The following RALGPS1 variants were observed in gnomAD, a reference collection of about 807,000 sequenced individuals.
RALGPS1 encodes the protein ras-specific guanine nucleotide-releasing factor RalGPS1.
A neutral mutation model predicts 78.8 loss-of-function variants in RALGPS1; 19 were observed. That is an observed-to-expected ratio of 0.24 (90% CI 0.17 to 0.35). The LOEUF is 0.35. Among genes scored for constraint, RALGPS1 ranks in the 10% least tolerant of loss-of-function variants. The pLI, the probability that RALGPS1 is intolerant of heterozygous loss-of-function variation, is 1.00. For missense variants in RALGPS1, 454 were observed against 688.3 expected (o/e 0.66, Z 3.81); for synonymous variants, 228 against 256.3 (o/e 0.89, Z 1.06).
intron 8 of RALGPS1, among the ~76,000 whole-genome samples, chr9:127,134,543 C>T (rs2057260936): frequency 6.6e-6 from 1 of 152,168 alleles, no homozygotes; most frequent in South Asian, 2.1e-4. Context: ...TCATTTCTTC[C>T]TGTCCATCAT....
chr9:127,133,460 G>A (rs962149443), intron 8 of RALGPS1, among the ~76,000 whole-genome samples: 4 of 152,224 alleles, frequency 2.6e-5, no homozygotes, highest in Non-Finnish European at 5.9e-5. Flanking sequence ...TGGCGTCCCC[G>A]TCTGCAGAGC....
At chr9:127,001,926 T>A (rs2043346265) in intron 4 of RALGPS1, among the ~76,000 whole-genome samples, 1 of 152,186 alleles carries the variant, frequency 6.6e-6, no homozygotes, top group Non-Finnish European at 1.5e-5. Flanking sequence ...CAGTAGTCTC[T>A]ATATTAATAC....
intron 3 of RALGPS1, among the ~76,000 whole-genome samples, chr9:126,966,167 A>G (rs1275565424): frequency 6.6e-6 from 1 of 152,184 alleles, no homozygotes; most frequent in Non-Finnish European, 1.5e-5. Flanking sequence ...TACGCTATAT[A>G]TATAAATGTG....
chr9:127,158,194 A>G (rs1008132769), intron 8 of RALGPS1, among the ~76,000 whole-genome samples: 1 of 152,060 alleles, frequency 6.6e-6, no homozygotes, highest in Admixed American at 6.5e-5. Flanking sequence ...GGTTTTATGC[A>G]TGAGCTCCTT....
intron 1 of RALGPS1, among the ~76,000 whole-genome samples, chr9:126,921,872 C>A (rs112327308): frequency 6.6e-6 from 1 of 152,354 alleles, no homozygotes; most frequent in South Asian, 2.1e-4. Context: ...GTCCTCTTTT[C>A]ACCCAGGGTA....
chr9:127,085,144 A>G (rs1218545233), intron 8 of RALGPS1, among the ~76,000 whole-genome samples: 1 of 152,200 alleles, frequency 6.6e-6, no homozygotes, highest in African/African-American at 2.4e-5. Flanking sequence ...CTCAGAAAAC[A>G]TCACTGTCTT....
chr9:127,156,703 T>C (rs969090315), intron 8 of RALGPS1, among the ~76,000 whole-genome samples: 5 of 152,158 alleles, frequency 3.3e-5, no homozygotes, highest in Non-Finnish European at 5.9e-5. Flanking sequence ...GTATGGTGTT[T>C]TATTTGATCA....
chr9:127,220,844 C>G lies in RALGPS1; in HGVS notation c.*2075C>G, dbSNP rs1178268555. 6.6e-6 allele frequency: 1 copy of G among 152,580 alleles called. No individual in the cohort carries two copies. The highest frequency in any genetic ancestry group is 1.9e-4 in the East Asian group (1 of 5,206). 9.5% of individuals were successfully genotyped at this position (152,580 alleles called of 1,614,324 possible). A position where few individuals can be genotyped will look rare whatever the true frequency, so the allele number is the denominator to read the frequency against. On this transcript the variant is annotated 3_prime_UTR_variant, in exon 19 of 19. Coordinates refer to ENST00000259351, the MANE Select transcript of RALGPS1 (RefSeq NM_014636.3). ...AAGTATTATAGATGCCAATCCAAAA[C>G]CTCAGAATTTCAGGCACCACAAAAA...
chr9:127,214,969 T>C, intron 18 of RALGPS1, 127 bp downstream of exon 18: 1 of 1,468,248 alleles, frequency 6.8e-7, no homozygotes. Context: ...GATACCCTCT[T>C]CTGATCAGCA....
At position 126,973,675 on chromosome 9, in the gene RALGPS1, C is replaced by T. The variant is rs116106105; in HGVS notation, c.166-4020C>T. 3.7e-3 allele frequency among the ~76,000 whole-genome samples: 565 copies of T among 152,236 alleles called. 2 individuals are homozygous for T. The highest frequency in any genetic ancestry group is 0.013 in the African/African-American group (533 of 41,546). ...AATTCAGCAGTGTTAAGTACATTCACAGTGTCATGTAACCAATCTCCAGAA... is the reference window on the plus strand; with the variant it reads ...AATTCAGCAGTGTTAAGTACATTCATAGTGTCATGTAACCAATCTCCAGAA... On this transcript the variant is annotated intron_variant, in intron 3 of 18. Coordinates refer to ENST00000259351, the MANE Select transcript of RALGPS1 (RefSeq NM_014636.3).
chr9:127,096,392 G>T (rs1490781650), intron 8 of RALGPS1, among the ~76,000 whole-genome samples: 1 of 152,208 alleles, frequency 6.6e-6, no homozygotes, highest in Non-Finnish European at 1.5e-5. Flanking sequence ...GGAAGATCCG[G>T]CAGAAGCCTG....
intron 11 of RALGPS1, chr9:127,184,175 A>C: frequency 5.6e-6 from 5 of 899,150 alleles, no homozygotes; most frequent in East Asian, 3.0e-5. Flanking sequence ...AAGTATATAA[A>C]TGATCTGGGC....
intron 8 of RALGPS1, among the ~76,000 whole-genome samples, chr9:127,129,459 C>G (rs1462003248): frequency 6.6e-6 from 1 of 152,142 alleles, no homozygotes; most frequent in East Asian, 1.9e-4. Flanking sequence ...GATTCCAACC[C>G]CCTTACACAG....
intron 9 of RALGPS1, among the ~76,000 whole-genome samples, chr9:127,166,575 T>C (rs1220044631): frequency 6.6e-6 from 1 of 152,174 alleles, no homozygotes; most frequent in Non-Finnish European, 1.5e-5. Context: ...CATTGTTCTG[T>C]GACTCTGCTG....
intron 8 of RALGPS1, among the ~76,000 whole-genome samples, chr9:127,151,279 A>G (rs7045289): frequency 0.28 from 42,002 of 149,292 alleles, 6,037 homozygotes; most frequent in Middle Eastern, 0.4. Flanking sequence ...ATTTATATGG[A>G]AAAAAAAAAA....
chr9:126,973,849 T>G (rs2040352304), intron 3 of RALGPS1, among the ~76,000 whole-genome samples: 2 of 152,318 alleles, frequency 1.3e-5, no homozygotes, highest in Admixed American at 6.5e-5. Flanking sequence ...TCATATAGTA[T>G]TTGTCTTTGT....
chr9:126,947,074 A>G (rs568304750), intron 1 of RALGPS1, among the ~76,000 whole-genome samples: 7 of 152,204 alleles, frequency 4.6e-5, no homozygotes, highest in Non-Finnish European at 7.3e-5. Context: ...TCTTCAGAGA[A>G]ATGCATATTC....
At chr9:127,088,757 C>G in intron 8 of RALGPS1, 3 of 685,308 alleles carry the variant, frequency 4.4e-6, no homozygotes, top group Non-Finnish European at 2.5e-6. Flanking sequence ...GTAGGAGGGA[C>G]AGAAAACACC....
At chr9:127,146,608 A>G (rs368417497) in intron 8 of RALGPS1, among the ~76,000 whole-genome samples, 25 of 150,034 alleles carry the variant, frequency 1.7e-4, no homozygotes, top group African/African-American at 5.9e-4. Context: ...CAGTGGTGCA[A>G]TCTCAGCTCA....
Sources: gnomAD v4.1 joint callset for allele counts (sites outside exome capture counted in the v4.1 genomes callset) on GRCh38, gnomAD v4.1.1 for gene constraint, MANE v1.5 for transcripts, NCBI Gene and HGNC (gene_info 2026-07-23, HGNC 2026-07-21) for gene names.